Variants in ITGA4 observed in about 807,000 individuals in gnomAD.
ITGA4 encodes the protein integrin alpha-4.
In ITGA4, 63 loss-of-function variants were observed where a neutral mutation model predicts 133.6. The ratio of observed to expected loss-of-function variants is 0.47; its 90% CI spans 0.38 to 0.58. The LOEUF (loss-of-function observed/expected upper bound fraction) is 0.58, where lower values mean the gene tolerates loss of function less well. Ranked by LOEUF, ITGA4 falls within the 20% of genes least tolerant of loss-of-function variation. ITGA4 has a pLI of 0.00. For synonymous variants in ITGA4, 483 were observed against 438.0 expected (o/e 1.10, Z -1.28); for missense variants, 1,076 against 1,252.7 (o/e 0.86, Z 2.13).
At chr2:181,464,961 T>C (rs1247885073) in intron 2 of ITGA4, among the ~76,000 whole-genome samples, 2 of 152,128 alleles carry the variant, frequency 1.3e-5, no homozygotes, top group South Asian at 4.1e-4. Flanking sequence ...AAAATCTTTT[T>C]TATATAAACT....
Position 181,482,377 on chromosome 2 carries a change from T to G in ITGA4, c.858T>G (p.Ile286Met), listed in dbSNP as rs765680744. Residue 286 changes from isoleucine to methionine, a missense_variant, in exon 8 of 28, where the codon ATT becomes ATG. Around this residue, in one of 4 missense-constraint regions of ITGA4, gnomAD observed 436 missense variants for 590.7 expected, o/e 0.74. Coordinates refer to ENST00000397033, the MANE Select transcript of ITGA4 (RefSeq NM_000885.6). ...EQIGKAYIFSIDEKELNILHE... is the reference protein window; with the variant it reads ...EQIGKAYIFSMDEKELNILHE... ...AATTACAGGCATATATATTCAGCAT[T>G]GATGAAAAAGAACTAAATATCTTAC... The G allele has an allele frequency of 1.9e-6, 3 of 1,612,294 alleles. No individual in the cohort carries two copies. The highest frequency in any genetic ancestry group is 2.2e-5 in the South Asian group (2 of 90,824).
chr2:181,461,234 T>TGA (rs886706446), intron 2 of ITGA4, among the ~76,000 whole-genome samples: 2 of 148,178 alleles, frequency 1.3e-5, no homozygotes, highest in Non-Finnish European at 3.0e-5. Flanking sequence ...ACGTTAGGCA[T>TGA]GAGATACCCC....
rs1318144721 is a variant in ITGA4, at chr2:181,529,560, G to T, written c.2450G>T (p.Ser817Ile). The change falls in exon 23 of 28, where the codon AGT becomes ATT. Residue 817 changes from serine to isoleucine, a missense_variant. Ser to Ile is a moderately radical substitution (Grantham distance 142). Coordinates refer to ENST00000397033, the MANE Select transcript of ITGA4 (RefSeq NM_000885.6). The part of the protein sequence containing the change: ...LTFHVINTGN[S>I]MAPNVSVEIM... ...TATCAGGTTATCAACACTGGCAATA[G>T]TATGGCTCCCAATGTTAGTGTGGAA... 1 of 1,602,420 alleles carries T rather than the reference G, an allele frequency of 6.2e-7. No individual in the cohort carries two copies.
Position 181,523,166 on chromosome 2 carries a change from A to T in ITGA4, c.2074-271A>T, listed in dbSNP as rs1211896992. 6.6e-6 allele frequency among the ~76,000 whole-genome samples: 1 copy of T among 152,040 alleles called. No individual in the cohort carries two copies. The highest frequency in any genetic ancestry group is 1.5e-5 in the Non-Finnish European group (1 of 68,004). On this transcript the variant is annotated intron_variant, in intron 18 of 27. Coordinates refer to ENST00000397033, the MANE Select transcript of ITGA4 (RefSeq NM_000885.6). This position sits in a 1 kb window ranked among gnomAD's most constrained non-coding sequence, Gnocchi z 4.2. ...AATACTAGAGTACACACATATATGT[A>T]TATACACACACACATACACATACAC...
At chr2:181,511,956 G>C (rs1449561696) in intron 17 of ITGA4, among the ~76,000 whole-genome samples, 181 bp downstream of exon 17, 1 of 151,966 alleles carries the variant, frequency 6.6e-6, no homozygotes, top group South Asian at 2.1e-4. Flanking sequence ...CACTCAGACT[G>C]ATATATAATC....
At chr2:181,470,912 G>GA (rs1685535439) in intron 2 of ITGA4, among the ~76,000 whole-genome samples, 1 of 152,006 alleles carries the variant, frequency 6.6e-6, no homozygotes, top group Non-Finnish European at 1.5e-5. Context: ...CAGAAATTAA[G>GA]AAAAAACCCA....
At chr2:181,481,276 T>C (rs1186713566) in intron 6 of ITGA4, among the ~76,000 whole-genome samples, 3 of 152,192 alleles carry the variant, frequency 2.0e-5, no homozygotes, top group African/African-American at 4.8e-5. Context: ...CATTTCCCAA[T>C]TGAGATTTTA....
chr2:181,487,847 G>A (rs932400918), intron 10 of ITGA4, among the ~76,000 whole-genome samples: 1 of 152,202 alleles, frequency 6.6e-6, no homozygotes, highest in Non-Finnish European at 1.5e-5. Flanking sequence ...TTCGTGGCAA[G>A]TTTAAGGGTT....
In ITGA4 at chr2:181,527,371, T is replaced by C. The variant is rs1007029791; in HGVS notation, c.2414T>C (p.Met805Thr). The C allele has an allele frequency of 1.2e-6, 2 of 1,607,634 alleles. 1 individual carries two copies. Among genetic ancestry groups the C allele is most frequent in the South Asian group, 2.2e-5 (2 of 90,956 alleles). ...NEPETCMVEKMNLTFHVINTG... is the reference protein window; with the variant it reads ...NEPETCMVEKTNLTFHVINTG... ...CCTGAAACGTGCATGGTGGAGAAAA[T>C]GAACTTAACTTTCCATGTAAGAAAA... The change falls in exon 22 of 28, where the codon ATG becomes ACG. Residue 805 changes from methionine (M) to threonine (T), a missense_variant. Coordinates refer to ENST00000397033, the MANE Select transcript of ITGA4 (RefSeq NM_000885.6).
At chr2:181,519,378 C>T (rs958176987) in intron 17 of ITGA4, among the ~76,000 whole-genome samples, 6 of 151,950 alleles carry the variant, frequency 3.9e-5, no homozygotes, top group African/African-American at 1.2e-4. Context: ...AGGTGCTTAA[C>T]GCATGTATTC....
intron 15 of ITGA4, among the ~76,000 whole-genome samples, chr2:181,503,088 AAG>A (rs1322469010): frequency 6.6e-6 from 1 of 152,092 alleles, no homozygotes; most frequent in Non-Finnish European, 1.5e-5. Context: ...TCGAGCTGCA[AAG>A]ATGGCATAGA....
chr2:181,461,531 A>C (rs557201898), intron 2 of ITGA4, among the ~76,000 whole-genome samples: 5 of 152,046 alleles, frequency 3.3e-5, no homozygotes, highest in Non-Finnish European at 7.4e-5. Flanking sequence ...TGTTTAAAGG[A>C]AACTTTAATC....
chr2:181,500,513 T>C (rs1456506312), intron 15 of ITGA4, among the ~76,000 whole-genome samples: 1 of 152,158 alleles, frequency 6.6e-6, no homozygotes, highest in Non-Finnish European at 1.5e-5. Flanking sequence ...AGAAGACGCA[T>C]AGCGGTTGGG....
chr2:181,460,564 A>ATGT (rs774251091), intron 2 of ITGA4, among the ~76,000 whole-genome samples: 1 of 68,236 alleles, frequency 1.5e-5, no homozygotes, highest in Non-Finnish European at 3.1e-5. Context: ...CTTCTGTAGA[A>ATGT]GAGTGTGTGT....
chr2:181,526,853 T>A (rs1184483808), intron 21 of ITGA4, among the ~76,000 whole-genome samples: 4 of 132,568 alleles, frequency 3.0e-5, no homozygotes, highest in Admixed American at 1.6e-4. Flanking sequence ...TTTTTTTTTT[T>A]AAGAGTCTCG....
At chr2:181,517,628 C>T (rs1335832217) in intron 17 of ITGA4, among the ~76,000 whole-genome samples, 1 of 152,032 alleles carries the variant, frequency 6.6e-6, no homozygotes, top group Non-Finnish European at 1.5e-5. Flanking sequence ...TTATGTCTCA[C>T]ATAGGAAGCT....
rs2105772573 is a variant in ITGA4, at chr2:181,531,716, A to C, written c.2724A>C (p.Glu908Asp). 6.2e-7 allele frequency: 1 copy of C among 1,608,218 alleles called. No individual in the cohort carries two copies. The highest frequency in any genetic ancestry group is 2.2e-5 in the East Asian group (1 of 44,610). The change falls in exon 25 of 28, where the codon GAA becomes GAC. Residue 908 changes from glutamate (E) to aspartate (D), a missense_variant. By Grantham distance (45) the Glu-to-Asp change is conservative. Around this residue, in one of 4 missense-constraint regions of ITGA4, gnomAD observed 193 missense variants for 172.3 expected, o/e 1.12. Coordinates refer to ENST00000397033, the MANE Select transcript of ITGA4 (RefSeq NM_000885.6). The part of the protein sequence containing the change: ...LNFLCNFGKM[E>D]SGKEASVHIQ... ...TCTTGTGTAATTTTGGGAAAATGGA[A>C]AGTGGAAAAGAAGCCAGTGTTCATA...
At chr2:181,468,565 C>T (rs1235080597) in intron 2 of ITGA4, among the ~76,000 whole-genome samples, 1 of 152,078 alleles carries the variant, frequency 6.6e-6, no homozygotes, top group Non-Finnish European at 1.5e-5. Context: ...CTCCCATAGT[C>T]CCTGTCACAC....
intron 2 of ITGA4, among the ~76,000 whole-genome samples, chr2:181,471,636 T>C (rs1283525261): frequency 6.6e-6 from 1 of 152,192 alleles, no homozygotes; most frequent in Admixed American, 6.5e-5. Context: ...AACTATTGTT[T>C]GGAACCACAT....
Sources: allele counts gnomAD v4.1 joint callset (sites outside exome capture counted in the v4.1 genomes callset), GRCh38; gene constraint gnomAD v4.1.1; regional missense constraint gnomAD v4.1.1; non-coding constraint Gnocchi (gnomAD v3.1); transcripts MANE v1.5; gene names NCBI Gene and HGNC (gene_info 2026-07-23, HGNC 2026-07-21).